Variants in TIPARP observed in about 807,000 individuals in gnomAD.
TIPARP encodes TCDD inducible poly(ADP-ribose) polymerase.
Under a neutral mutation model 56.5 loss-of-function variants are expected in TIPARP, and 12 were observed. The observed-to-expected ratio is 0.21, with a 90% CI of 0.14 to 0.34. The LOEUF (loss-of-function observed/expected upper bound fraction) is 0.34, where lower values mean the gene tolerates loss of function less well. Among genes scored for constraint, TIPARP ranks in the 10% least tolerant of loss-of-function variants. The pLI is 1.00. For missense variants in TIPARP, 604 were observed against 781.6 expected (o/e 0.77, Z 2.71); for synonymous variants, 296 against 265.7 (o/e 1.11, Z -1.11).
chr3:156,685,070 GC>G (rs1233772527), intron 2 of TIPARP, among the ~76,000 whole-genome samples: 3 of 152,186 alleles, frequency 2.0e-5, no homozygotes, highest in African/African-American at 7.2e-5. Flanking sequence ...GGACAGTATT[GC>G]AGACTTGAGC....
At chr3:156,698,908 A>C (rs1722781969) in intron 4 of TIPARP, among the ~76,000 whole-genome samples, 1 of 152,232 alleles carries the variant, frequency 6.6e-6, no homozygotes, top group Non-Finnish European at 1.5e-5. Context: ...GGAGGGGGTT[A>C]ACATACCAAC....
intron 4 of TIPARP, among the ~76,000 whole-genome samples, chr3:156,701,948 C>T (rs893308408): frequency 2.0e-5 from 3 of 150,036 alleles, no homozygotes; most frequent in Admixed American, 6.7e-5. Flanking sequence ...GGGTTAGAGA[C>T]GGCAGTCATG....
intron 2 of TIPARP, among the ~76,000 whole-genome samples, chr3:156,685,412 C>T (rs1256222614): frequency 6.6e-6 from 1 of 152,208 alleles, no homozygotes; most frequent in Non-Finnish European, 1.5e-5. Flanking sequence ...TTCCTTTTCA[C>T]CTTCTACAGA....
chr3:156,700,699 G>C (rs1379664091), intron 4 of TIPARP, among the ~76,000 whole-genome samples: 1 of 152,124 alleles, frequency 6.6e-6, no homozygotes, highest in South Asian at 2.1e-4. Flanking sequence ...CATGGTCATG[G>C]GAATGCCTGG....
chr3:156,695,932 A>G lies in TIPARP; in HGVS notation c.1154A>G (p.Asn385Ser). The change falls in exon 4 of 6, where the codon AAT (asparagine) becomes AGT (serine). Residue 385 changes from asparagine (N) to serine (S), a missense_variant. Coordinates refer to ENST00000295924, the MANE Select transcript of TIPARP (RefSeq NM_015508.5). ...AAAGAGGTTCGATTTATGATGTGGA[A>G]TAACCACTACATCCTCCACAATTCA... Reference protein sequence around the residue: ...GLKEVRFMMWNNHYILHNSFF... With the variant: ...GLKEVRFMMWSNHYILHNSFF... 1.2e-6 allele frequency: 2 copies of G among 1,609,608 alleles called. No homozygotes were observed. The highest frequency in any genetic ancestry group is 1.7e-6 in the Non-Finnish European group (2 of 1,178,826).
chr3:156,703,415 C>T lies in TIPARP; in HGVS notation c.1248-9C>T, dbSNP rs1722899925. ...GTTTTACATTGATGTTTCTTCCTCT[C>T]CATTTTAGGACACTTGGTGGGGTTC... On this transcript the variant is annotated splice_polypyrimidine_tract_variant and intron_variant, in intron 4 of 5. Coordinates refer to ENST00000295924, the MANE Select transcript of TIPARP (RefSeq NM_015508.5). The T allele has an allele frequency of 6.2e-7, 1 of 1,612,724 alleles. No homozygotes were observed. The highest frequency in any genetic ancestry group is 2.2e-5 in the East Asian group (1 of 44,868).
intron 4 of TIPARP, among the ~76,000 whole-genome samples, chr3:156,701,367 C>T (rs1487933286): frequency 6.6e-6 from 1 of 152,198 alleles, no homozygotes; most frequent in East Asian, 1.9e-4. Flanking sequence ...GCTGTACAGG[C>T]TGACAGTCTA....
At chr3:156,683,254 A>T (rs963438190) in intron 2 of TIPARP, among the ~76,000 whole-genome samples, 1 of 152,172 alleles carries the variant, frequency 6.6e-6, no homozygotes, top group Non-Finnish European at 1.5e-5. Context: ...TACATTATAT[A>T]TTTTATCATT....
At chr3:156,678,894 T>G (rs1361899106) in intron 2 of TIPARP, among the ~76,000 whole-genome samples, 1 of 152,246 alleles carries the variant, frequency 6.6e-6, no homozygotes, top group Non-Finnish European at 1.5e-5. Flanking sequence ...AATCAAATAC[T>G]GTTTTAATCA....
In TIPARP at chr3:156,688,159, C is replaced by T. The variant is rs190534356; in HGVS notation, c.918-5861C>T. ...ATCTTAGCTTTTTGGAAGGCTGAGG[C>T]AGAAGAATTGCTTGAGACCAGCCCA... On this transcript the variant is annotated intron_variant, in intron 2 of 5. Transcript: ENST00000295924. Among the ~76,000 whole-genome samples the T allele has an allele frequency of 5.3e-5, 8 of 152,086 alleles. No homozygotes were observed. The East Asian group carries it at 1.4e-3, about 26-fold the overall frequency.
At position 156,674,682 on chromosome 3, in the gene TIPARP, C is replaced by T. The variant is rs1722066497; in HGVS notation, c.-156C>T. The T allele has an allele frequency of 2.0e-5, 3 of 152,516 alleles. No homozygotes were observed. 9.4% of individuals were successfully genotyped at this position (152,516 alleles called of 1,614,324 possible). On this transcript the variant is annotated 5_prime_UTR_variant, in exon 1 of 6. Transcript: ENST00000295924. ...GCGGAATGGCCCGTGCGCGGCTCGC[C>T]GCGTCGCGGCTCTGTGGTCCCTAGA...
rs1268497316 is a variant in TIPARP at position 156,706,607 on chromosome 3, C to G, written c.*1476C>G. 2.0e-5 allele frequency: 3 copies of G among 152,596 alleles called. No individual in the cohort carries two copies. 9.5% of individuals were successfully genotyped at this position (152,596 alleles called of 1,614,324 possible). On this transcript the variant is annotated 3_prime_UTR_variant, in exon 6 of 6. Transcript: ENST00000295924. The stretch of plus-strand genomic sequence containing the variant: ...CTTTCATTCAATTATAACTTGTAAA[C>G]CAGTGACTCCTAATCTTTTTCAAGT...
intron 1 of TIPARP, among the ~76,000 whole-genome samples, chr3:156,677,014 G>A (rs541444390): frequency 6.6e-6 from 1 of 152,140 alleles, no homozygotes; most frequent in East Asian, 1.9e-4. Context: ...TGTTTTTGGG[G>A]GTTGTAAAAG....
chr3:156,694,887 G>A (rs909154264), intron 3 of TIPARP, among the ~76,000 whole-genome samples: 33 of 152,064 alleles, frequency 2.2e-4, no homozygotes, highest in African/African-American at 8.0e-4. Flanking sequence ...CAAAAGGGGG[G>A]AACAACTTAT....
rs1343992691 is a variant in TIPARP at position 156,678,332 on chromosome 3, A to T, written c.635A>T (p.Gln212Leu). ...TSDKLSTELF[Q>L]DKSEEASLDL... is the part of the protein sequence containing the mutation. ...GATAAGCTGAGTACTGAGCTCTTTC[A>T]GGACAAAAGTGAAGAGGCTTCCCTT... Residue 212 changes from glutamine (Q) to leucine (L), a missense_variant, in exon 2 of 6, where the codon CAG (glutamine) becomes CTG (leucine). Gln to Leu is a moderately radical substitution (Grantham distance 113, BLOSUM62 -2). This residue lies in a region of TIPARP where 261 missense variants were observed against 279.2 expected (regional missense o/e 0.93). Coordinates refer to ENST00000295924, the MANE Select transcript of TIPARP (RefSeq NM_015508.5). The T allele has an allele frequency of 1.2e-6, 2 of 1,614,224 alleles. No individual in the cohort carries two copies. The highest frequency in any genetic ancestry group is 4.5e-5 in the East Asian group (2 of 44,892).
In TIPARP at chr3:156,678,116, A is replaced by C. The variant is rs1056511062; in HGVS notation, c.419A>C (p.His140Pro). ...GAACGAGTGGTTCCAATCCAAGATC[A>C]CAGCTTTCCATCAGAAACCCTCAGT... ...APERVVPIQD[H>P]SFPSETLSGT... is the part of the protein sequence containing the mutation. Residue 140 changes from histidine (H) to proline (P), a missense_variant, in exon 2 of 6, where the codon CAC (histidine) becomes CCC (proline). This residue lies in a region of TIPARP where 261 missense variants were observed against 279.2 expected (regional missense o/e 0.93). Transcript: ENST00000295924. 1 of 1,614,120 alleles carries C rather than the reference A, an allele frequency of 6.2e-7. No homozygotes were observed. Among genetic ancestry groups the C allele is most frequent in the South Asian group, 1.1e-5 (1 of 91,084 alleles).
intron 2 of TIPARP, among the ~76,000 whole-genome samples, chr3:156,688,723 C>G (rs1161627828): frequency 6.6e-6 from 1 of 152,164 alleles, no homozygotes; most frequent in Non-Finnish European, 1.5e-5. Context: ...GATATTCCAG[C>G]ATTGCTAAAT....
In TIPARP at chr3:156,701,608, T is replaced by C. The variant is rs143721749; in HGVS notation, c.1248-1816T>C. ...TTAGTGATGGCTTTTTAAGGAGTTA[T>C]AGATATTTGAGAATCTGATTAAAGC... On this transcript the variant is annotated intron_variant, in intron 4 of 5. Coordinates refer to ENST00000295924, the MANE Select transcript of TIPARP (RefSeq NM_015508.5). Among the ~76,000 whole-genome samples the C allele has an allele frequency of 1.6e-4, 25 of 152,310 alleles. No individual in the cohort carries two copies. The East Asian group carries it at 3.3e-3, about 20-fold the overall frequency.
rs572218481 is a variant in TIPARP at position 156,681,843 on chromosome 3, T to C, written c.917+3229T>C. ...GTATGTACTTCCCAGATATAGATGC[T>C]GAGGCTTCTTTTTTGCACACGAGAT... On this transcript the variant is annotated intron_variant, in intron 2 of 5. Coordinates refer to ENST00000295924, the MANE Select transcript of TIPARP (RefSeq NM_015508.5). Among the ~76,000 whole-genome samples the C allele has an allele frequency of 2.0e-5, 3 of 152,194 alleles. No individual in the cohort carries two copies. The South Asian group carries it at 6.2e-4, about 32-fold the overall frequency.
Sources: gnomAD v4.1 joint callset for allele counts (sites outside exome capture counted in the v4.1 genomes callset) on GRCh38, gnomAD v4.1.1 for gene constraint, gnomAD v4.1.1 regional missense constraint, MANE v1.5 for transcripts, NCBI Gene and HGNC (gene_info 2026-07-23, HGNC 2026-07-21) for gene names.